Variants in ADAMTS18 observed in about 807,000 individuals in gnomAD.
The protein encoded by ADAMTS18 is A disintegrin and metalloproteinase with thrombospondin motifs 18.
A neutral mutation model predicts 165.9 loss-of-function variants in ADAMTS18; 157 were observed. That is an observed-to-expected ratio of 0.95 (90% CI 0.83 to 1.08). The LOEUF is 1.08. ADAMTS18 is among the 50% of genes least tolerant of loss of function. The pLI is 0.00. For missense variants in ADAMTS18, 2,040 were observed against 1,534.0 expected (o/e 1.33, Z -5.51); for synonymous variants, 782 against 578.2 (o/e 1.35, Z -5.06).
In ADAMTS18 at chr16:77,289,341, G is replaced by A. The variant is rs2055318198; in HGVS notation, c.3473C>T (p.Ser1158Leu). 6.2e-7 allele frequency: 1 copy of A among 1,614,020 alleles called. No homozygotes were observed. Among genetic ancestry groups the A allele is most frequent in the Non-Finnish European group, 8.5e-7 (1 of 1,180,010 alleles). Residue 1158 changes from serine to leucine, a missense_variant, in exon 22 of 23, where the codon TCA (serine) becomes TTA (leucine). Transcript: ENST00000282849. ...VHCVQQGRPS[S>L]SCLLHQKPPV... ...AGGTTTCTGATGGAGCAGACAACTT[G>A]AGGAAGGCCGGCCTTGCTGAACACA...
Position 77,283,964 on chromosome 16 carries a change from T to G in ADAMTS18, c.3658A>C (p.Lys1220Gln). Residue 1220 changes from lysine to glutamine, a missense_variant, in exon 23 of 23, where the codon AAG (lysine) becomes CAG (glutamine). Physicochemically the swap from Lys to Gln is moderately conservative, Grantham distance 53. Coordinates refer to ENST00000282849, the MANE Select transcript of ADAMTS18 (RefSeq NM_199355.4). ...TGGGGAGGACACCAAGATCAGATCT[T>G]CCTTGTGCATGACTTGCAGCATTGT... ...GKQCCKSCTR[K>Q]I 6.2e-7 allele frequency: 1 copy of G among 1,613,538 alleles called. No homozygotes were observed. Among genetic ancestry groups the G allele is most frequent in the Non-Finnish European group, 8.5e-7 (1 of 1,179,592 alleles).
At chr16:77,321,334 C>G in intron 14 of ADAMTS18, 132 bp from the exon 15 acceptor site, 1 of 1,253,522 alleles carries the variant, frequency 8.0e-7, no homozygotes, top group Non-Finnish European at 1.1e-6. Context: ...TTAAAAATCA[C>G]AGCCTCAAGT....
At chr16:77,365,675 G>A (rs934946435) in intron 4 of ADAMTS18, among the ~76,000 whole-genome samples, 2 of 151,822 alleles carry the variant, frequency 1.3e-5, no homozygotes, top group Non-Finnish European at 2.9e-5. Context: ...ACAACTACGA[G>A]CATTCCTGGG....
intron 3 of ADAMTS18, among the ~76,000 whole-genome samples, chr16:77,403,340 T>C (rs1415513156): frequency 1.3e-5 from 2 of 150,820 alleles, no homozygotes; most frequent in African/African-American, 4.8e-5. Context: ...ATAATGAAAT[T>C]TGGAGGTAGG....
chr16:77,417,036 T>A (rs1049040592), intron 3 of ADAMTS18, among the ~76,000 whole-genome samples: 9 of 152,162 alleles, frequency 5.9e-5, no homozygotes, highest in African/African-American at 2.2e-4. Context: ...CCTTTAAAAA[T>A]CAGTCTCATC....
intron 22 of ADAMTS18, among the ~76,000 whole-genome samples, chr16:77,288,054 C>T (rs1329121045): frequency 1.3e-5 from 2 of 152,124 alleles, no homozygotes; most frequent in Non-Finnish European, 2.9e-5. Context: ...TAGCCCTACA[C>T]TCATGCATTT....
At chr16:77,379,141 A>T (rs1202688862) in intron 3 of ADAMTS18, among the ~76,000 whole-genome samples, 1 of 152,164 alleles carries the variant, frequency 6.6e-6, no homozygotes, top group Non-Finnish European at 1.5e-5. Context: ...TGGGAAAGAG[A>T]AGTGACCAAT....
At chr16:77,294,876 C>T (rs987927627) in intron 19 of ADAMTS18, 47 bp downstream of exon 19, 6 of 1,589,170 alleles carry the variant, frequency 3.8e-6, no homozygotes, top group Non-Finnish European at 5.2e-6. Flanking sequence ...TCTACTTTTG[C>T]CTTCATGGGG....
intron 16 of ADAMTS18, among the ~76,000 whole-genome samples, chr16:77,304,450 G>A (rs1032642317): frequency 1.3e-5 from 2 of 152,302 alleles, no homozygotes; most frequent in Non-Finnish European, 1.5e-5. Context: ...CATAGAGTGA[G>A]ACACTGTCTC....
At chr16:77,432,795 T>G (rs1013085106) in intron 2 of ADAMTS18, among the ~76,000 whole-genome samples, 1 of 151,096 alleles carries the variant, frequency 6.6e-6, no homozygotes, top group East Asian at 1.9e-4. Context: ...TAAGGAATAG[T>G]GGAGCCCCTG....
intron 22 of ADAMTS18, 95 bp from the exon 23 acceptor site, chr16:77,284,166 G>A: frequency 1.3e-6 from 1 of 798,342 alleles, no homozygotes; most frequent in Non-Finnish European, 2.1e-6. Context: ...TGTTACCTAG[G>A]CTGGAGTGCA....
chr16:77,301,999 CTTTGCT>C (rs1397340994), intron 16 of ADAMTS18, among the ~76,000 whole-genome samples: 7 of 106,054 alleles, frequency 6.6e-5, no homozygotes, highest in Non-Finnish European at 9.4e-5. Context: ...TCTTTCTAGT[CTTTGCT>C]TTTTTTTTTT....
intron 12 of ADAMTS18, among the ~76,000 whole-genome samples, chr16:77,331,933 A>C (rs1033019001): frequency 2.0e-5 from 3 of 152,226 alleles, no homozygotes; most frequent in African/African-American, 2.4e-5. Flanking sequence ...ACTCAAATGA[A>C]GTACCATTCA....
intron 21 of ADAMTS18, among the ~76,000 whole-genome samples, chr16:77,289,728 G>A (rs1239485500): frequency 6.6e-6 from 1 of 152,206 alleles, no homozygotes; most frequent in Non-Finnish European, 1.5e-5. Context: ...AACAAATACA[G>A]ACACACCTAG....
At chr16:77,396,250 G>T (rs186523723) in intron 3 of ADAMTS18, among the ~76,000 whole-genome samples, 36 of 152,260 alleles carry the variant, frequency 2.4e-4, no homozygotes, top group Admixed American at 3.9e-4. Flanking sequence ...TACAACTATT[G>T]CCACTTGACT....
At chr16:77,367,219 C>T (rs1330655033) in intron 4 of ADAMTS18, among the ~76,000 whole-genome samples, 1 of 152,108 alleles carries the variant, frequency 6.6e-6, no homozygotes, top group Non-Finnish European at 1.5e-5. Flanking sequence ...GTAGGAGATA[C>T]TAAAAGAGTA....
intron 15 of ADAMTS18, among the ~76,000 whole-genome samples, chr16:77,320,638 CA>C (rs35022198): frequency 0.98 from 147,017 of 149,524 alleles, 72,315 homozygotes; most frequent in Middle Eastern, 1. Context: ...GACTCTGTCT[CA>C]AAAAAAAAAA....
rs28764955 is a variant in ADAMTS18 at position 77,371,404 on chromosome 16, C to G, written c.496-3681G>C. Among the ~76,000 whole-genome samples the G allele has an allele frequency of 3.1e-3, 468 of 151,918 alleles. 6 individuals are homozygous for G. The highest frequency in any genetic ancestry group is 0.011 in the African/African-American group (454 of 41,446). The stretch of plus-strand genomic sequence containing the variant: ...AAATATACTAGAAAGCTACAGTAAC[C>G]AAAAAAACATGGCATAGGAATAAAA... On this transcript the variant is annotated intron_variant, in intron 3 of 22. Transcript: ENST00000282849.
intron 22 of ADAMTS18, among the ~76,000 whole-genome samples, chr16:77,287,468 A>G (rs1363621936): frequency 2.6e-5 from 4 of 152,050 alleles, no homozygotes; most frequent in Non-Finnish European, 5.9e-5. Flanking sequence ...TGACTCAGCC[A>G]TGAGGCACAG....
Sources: allele counts gnomAD v4.1 joint callset (sites outside exome capture counted in the v4.1 genomes callset), GRCh38; gene constraint gnomAD v4.1.1; transcripts MANE v1.5; gene names NCBI Gene and HGNC (gene_info 2026-07-23, HGNC 2026-07-21).